Variants in WNK1 observed in about 807,000 individuals in gnomAD.
WNK1 encodes the protein serine/threonine-protein kinase WNK1.
A neutral mutation model predicts 222.8 loss-of-function variants in WNK1; 38 were observed. That is an observed-to-expected ratio of 0.17 (90% confidence interval 0.13 to 0.22). WNK1 has a LOEUF of 0.22. WNK1 is among the 10% of genes least tolerant of loss of function. The pLI, the probability that WNK1 is intolerant of heterozygous loss-of-function variation, is 1.00. For synonymous variants in WNK1, 1,090 were observed against 1,092.9 expected (o/e 1.00, Z 0.05); for missense variants, 2,348 against 2,918.4 (o/e 0.80, Z 4.50).
intron 1 of WNK1, among the ~76,000 whole-genome samples, chr12:798,352 C>T (rs923732457): frequency 2.6e-5 from 4 of 152,146 alleles, no homozygotes; most frequent in Non-Finnish European, 5.9e-5. Flanking sequence ...CCACCACGCC[C>T]GGCTAATTTT....
At chr12:790,198 G>A (rs1944701378) in intron 1 of WNK1, among the ~76,000 whole-genome samples, 1 of 152,250 alleles carries the variant, frequency 6.6e-6, no homozygotes, top group Admixed American at 6.5e-5. Flanking sequence ...TGGGGCTATA[G>A]TAGAATAGAA....
rs755777419 is a variant in WNK1, at chr12:807,313, C to T, written c.760-6329C>T. Among the ~76,000 whole-genome samples the T allele has an allele frequency of 4.0e-4, 54 of 135,788 alleles. 1 individual carries two copies. The highest frequency in any genetic ancestry group is 6.9e-4 in the South Asian group (3 of 4,356). 89.1% of individuals were successfully genotyped at this position (135,788 alleles called of 152,430 possible). On this transcript the variant is annotated intron_variant, in intron 1 of 27. Coordinates refer to ENST00000315939, the MANE Select transcript of WNK1 (RefSeq NM_018979.4). ...TCTCTGTTTTTTTTTTTTTTTTTTC[C>T]GGAGATTAATGAGTCCTCCCTCTTT...
chr12:808,361 GTTC>G (rs923984347), intron 1 of WNK1, among the ~76,000 whole-genome samples: 7 of 151,954 alleles, frequency 4.6e-5, no homozygotes, highest in Admixed American at 1.3e-4. Context: ...GCCTCAAGCA[GTTC>G]TTCTGCCCTA....
At chr12:778,743 AATG>A (rs1253598507) in intron 1 of WNK1, among the ~76,000 whole-genome samples, 2 of 152,114 alleles carry the variant, frequency 1.3e-5, no homozygotes, top group Non-Finnish European at 2.9e-5. Context: ...TAAAATATAA[AATG>A]ATAAGGACAG....
chr12:894,588 C>T lies in WNK1; in HGVS notation c.5536C>T (p.Leu1846=), dbSNP rs772680467. The T allele has an allele frequency of 6.2e-7, 1 of 1,613,974 alleles. No individual in the cohort carries two copies. Among genetic ancestry groups the T allele is most frequent in the East Asian group, 2.2e-5 (1 of 44,842 alleles). The change falls in exon 23 of 28, where the codon CTA becomes TTA. Residue 1846 remains leucine (L), a synonymous_variant. Coordinates refer to ENST00000315939, the MANE Select transcript of WNK1 (RefSeq NM_018979.4). ...GVSQVKEGPV[L]ATSSGAGVFK... is the part of the protein sequence containing the mutation. ...TTCTCAAGTCAAAGAAGGCCCTGTC[C>T]TAGCAACTAGTTCAGGAGCTGGTGT...
At chr12:849,208 A>C (rs1244090010) in intron 4 of WNK1, among the ~76,000 whole-genome samples, 1 of 152,222 alleles carries the variant, frequency 6.6e-6, no homozygotes, top group Non-Finnish European at 1.5e-5. Flanking sequence ...TGTTAGAATT[A>C]GTAGCATTTC....
intron 2 of WNK1, among the ~76,000 whole-genome samples, chr12:823,444 T>G (rs1326846820): frequency 6.6e-6 from 1 of 152,228 alleles, no homozygotes; most frequent in East Asian, 1.9e-4. Flanking sequence ...CCCACAGATC[T>G]CTTAGACTCT....
At position 861,010 on chromosome 12, in the gene WNK1, T is replaced by C. The variant is rs746698174; in HGVS notation, c.1621-3T>C. On this transcript the variant is annotated splice_polypyrimidine_tract_variant and splice_region_variant and intron_variant, in intron 6 of 27. Transcript: ENST00000315939. ...CTGCTTAATTTACCCTTTTATTCTGTAGGTAGAGTCTGGGTATGTCTGTGA... is the reference window on the plus strand; with the variant it reads ...CTGCTTAATTTACCCTTTTATTCTGCAGGTAGAGTCTGGGTATGTCTGTGA... 96 of 1,613,154 alleles carry C rather than the reference T, an allele frequency of 6.0e-5. No individual in the cohort carries two copies. Among genetic ancestry groups the C allele is most frequent in the Non-Finnish European group, 7.9e-5 (93 of 1,179,722 alleles).
intron 2 of WNK1, among the ~76,000 whole-genome samples, chr12:815,694 A>T (rs939441570): frequency 2.6e-5 from 4 of 152,262 alleles, no homozygotes; most frequent in Non-Finnish European, 4.4e-5. Flanking sequence ...TTATGTGTAC[A>T]TCTTGAGATT....
chr12:793,091 C>T (rs1435289580), intron 1 of WNK1, among the ~76,000 whole-genome samples: 1 of 152,090 alleles, frequency 6.6e-6, no homozygotes, highest in Non-Finnish European at 1.5e-5. Flanking sequence ...CTATATGATC[C>T]TCCTGTACCT....
rs755850632 is a variant in WNK1, at chr12:880,815, T to TGGG, written c.2927_2928insGGG (p.Leu976_Ser977insGly). On this transcript the variant is annotated inframe_insertion, in exon 12 of 28. Transcript: ENST00000315939. ...TCTGTTTGCATCCATTCTACAGTCCTATCCCCTCCCATGCCGACAGAAGTA... is the reference window on the plus strand; with the variant it reads ...TCTGTTTGCATCCATTCTACAGTCCTGGGATCCCCTCCCATGCCGACAGAAGTA... 2.5e-6 allele frequency: 4 copies of TGGG among 1,614,082 alleles called. No homozygotes were observed. In the South Asian group the frequency reaches 4.4e-5, roughly 18 times the overall value.
At chr12:779,967 A>T (rs1258837238) in intron 1 of WNK1, among the ~76,000 whole-genome samples, 1 of 152,178 alleles carries the variant, frequency 6.6e-6, no homozygotes, top group Non-Finnish European at 1.5e-5. Context: ...GCAATTTTTT[A>T]AAATTTGGAA....
At chr12:815,007 T>G (rs920306596) in intron 2 of WNK1, among the ~76,000 whole-genome samples, 4 of 152,140 alleles carry the variant, frequency 2.6e-5, no homozygotes, top group Admixed American at 1.3e-4. Context: ...ACAGTAGGGT[T>G]CATGGCCCTG....
At chr12:789,571 C>G (rs536052670) in intron 1 of WNK1, among the ~76,000 whole-genome samples, 17 of 135,936 alleles carry the variant, frequency 1.3e-4, no homozygotes, top group African/African-American at 2.2e-4. Flanking sequence ...GAGTCTCGCT[C>G]TGTCACTCAG....
At chr12:788,193 A>G (rs887072792) in intron 1 of WNK1, among the ~76,000 whole-genome samples, 2 of 152,166 alleles carry the variant, frequency 1.3e-5, no homozygotes, top group African/African-American at 4.8e-5. Flanking sequence ...AAATACCTTT[A>G]TAGCAACACC....
chr12:767,996 C>T (rs1306253385), intron 1 of WNK1, among the ~76,000 whole-genome samples: 3 of 152,176 alleles, frequency 2.0e-5, no homozygotes, highest in Non-Finnish European at 4.4e-5. Context: ...ACAAAAAAAG[C>T]CACCAGCCAT....
At chr12:759,902 G>A (rs1025089803) in intron 1 of WNK1, among the ~76,000 whole-genome samples, 2 of 147,922 alleles carry the variant, frequency 1.4e-5, no homozygotes, top group Non-Finnish European at 3.0e-5. Context: ...TGTAGGATAG[G>A]GCCTGCCACA....
chr12:757,321 T>TC (rs1940215343), intron 1 of WNK1, among the ~76,000 whole-genome samples: 1 of 99,008 alleles, frequency 1.0e-5, no homozygotes, highest in Non-Finnish European at 2.2e-5. Context: ...TTTTTTTTTT[T>TC]TTTTTTTTTT....
chr12:888,842 T>C (rs1953927251), intron 20 of WNK1, among the ~76,000 whole-genome samples: 1 of 152,170 alleles, frequency 6.6e-6, no homozygotes, highest in Admixed American at 6.5e-5. Context: ...GTCGCACAAA[T>C]AAATAACTCT....
Sources: allele counts gnomAD v4.1 joint callset (sites outside exome capture counted in the v4.1 genomes callset), GRCh38; gene constraint gnomAD v4.1.1; transcripts MANE v1.5; gene names NCBI Gene and HGNC (gene_info 2026-07-23, HGNC 2026-07-21).